The following SLC36A1 variants were observed in gnomAD, a reference collection of about 807,000 sequenced individuals.
The protein encoded by SLC36A1 is solute carrier family 36 member 1.
In SLC36A1, 30 loss-of-function variants were observed where a neutral mutation model predicts 47.5. The observed-to-expected ratio is 0.63, with a 90% CI of 0.47 to 0.86. The LOEUF (loss-of-function observed/expected upper bound fraction) is 0.86, where lower values mean the gene tolerates loss of function less well. Among genes scored for constraint, SLC36A1 ranks in the 40% least tolerant of loss-of-function variants. The pLI is 0.00. For missense variants in SLC36A1, 517 were observed against 606.0 expected (o/e 0.85, Z 1.54); for synonymous variants, 255 against 249.7 (o/e 1.02, Z -0.20).
chr5:151,362,831 T>G, the SLC36A1 span, among the ~76,000 whole-genome samples: 1 of 152,254 alleles, frequency 6.6e-6, no homozygotes, highest in South Asian at 2.1e-4. Context: ...AATTCCTGAA[T>G]TGCTTTTCTG....
upstream of SLC36A1, among the ~76,000 whole-genome samples, chr5:151,435,774 CAT>C (rs1162399786): frequency 6.6e-6 from 1 of 150,970 alleles, no homozygotes; most frequent in East Asian, 1.9e-4. Context: ...GGAGAAAAAA[CAT>C]AATAGGTGGA....
At chr5:151,445,862 AGTC>A (rs1285842678), upstream of SLC36A1, among the ~76,000 whole-genome samples, 1 of 151,528 alleles carries the variant, frequency 6.6e-6, no homozygotes, top group Non-Finnish European at 1.5e-5. Flanking sequence ...TTATTTTATT[AGTC>A]TTCTTTTTTT....
upstream of SLC36A1, among the ~76,000 whole-genome samples, chr5:151,445,753 C>G (rs1280813586): frequency 6.6e-6 from 1 of 152,174 alleles, no homozygotes; most frequent in African/African-American, 2.4e-5. Context: ...TCCATTTCAT[C>G]TGGGTTATCC....
chr5:151,544,891 A>T, the SLC36A1 span: 2 of 1,614,020 alleles, frequency 1.2e-6, no homozygotes, highest in Admixed American at 3.3e-5. Context: ...GCCATCTTGG[A>T]TGATTGTGTA....
At chr5:151,513,967 G>C in the SLC36A1 span, among the ~76,000 whole-genome samples, 2 of 152,074 alleles carry the variant, frequency 1.3e-5, no homozygotes, top group Non-Finnish European at 2.9e-5. Context: ...GAGAACCACT[G>C]GGTTAAAACA....
chr5:151,530,744 T>C, the SLC36A1 span, among the ~76,000 whole-genome samples: 2 of 152,212 alleles, frequency 1.3e-5, no homozygotes, highest in East Asian at 1.9e-4. Context: ...TACACACTGA[T>C]GTCCTTACAA....
chr5:151,480,718 T>G (rs1758679995), intron 10 of SLC36A1, among the ~76,000 whole-genome samples: 1 of 152,234 alleles, frequency 6.6e-6, no homozygotes, highest in East Asian at 1.9e-4. Context: ...CTCTCCATGC[T>G]TTGATTCCAA....
the SLC36A1 span, among the ~76,000 whole-genome samples, chr5:151,403,243 C>T: frequency 6.6e-6 from 1 of 152,080 alleles, no homozygotes; most frequent in Non-Finnish European, 1.5e-5. Context: ...CTTTTGATTT[C>T]TGCTTTAATT....
the SLC36A1 span, among the ~76,000 whole-genome samples, chr5:151,499,254 A>C: frequency 6.6e-6 from 1 of 152,208 alleles, no homozygotes; most frequent in Non-Finnish European, 1.5e-5. Flanking sequence ...TCATTCAGTG[A>C]AACAGCTGGT....
At chr5:151,471,757 G>A (rs1006857197) in intron 7 of SLC36A1, among the ~76,000 whole-genome samples, 2 of 152,130 alleles carry the variant, frequency 1.3e-5, no homozygotes, top group South Asian at 4.1e-4. Flanking sequence ...ATCTTTCAAA[G>A]TGAAGGCTGT....
the SLC36A1 span, among the ~76,000 whole-genome samples, chr5:151,539,839 T>G: frequency 6.6e-6 from 1 of 152,160 alleles, no homozygotes; most frequent in Non-Finnish European, 1.5e-5. Context: ...TGCTGGAAAT[T>G]TAGAGTTGAA....
the SLC36A1 span, among the ~76,000 whole-genome samples, chr5:151,526,406 T>C: frequency 6.6e-6 from 1 of 152,236 alleles, no homozygotes; most frequent in Non-Finnish European, 1.5e-5. Context: ...ATGTATCTGA[T>C]AAGCACACTT....
the SLC36A1 span, among the ~76,000 whole-genome samples, chr5:151,357,894 G>A: frequency 6.6e-6 from 1 of 152,230 alleles, no homozygotes; most frequent in Non-Finnish European, 1.5e-5. Context: ...AGACAGATAA[G>A]ATTTAACAGT....
chr5:151,362,150 C>T, the SLC36A1 span, among the ~76,000 whole-genome samples: 1 of 152,078 alleles, frequency 6.6e-6, no homozygotes, highest in African/African-American at 2.4e-5. Flanking sequence ...TTTTAATAAG[C>T]TTTCTACCCC....
At chr5:151,469,444 T>G (rs573601283) in intron 7 of SLC36A1, among the ~76,000 whole-genome samples, 1 of 152,356 alleles carries the variant, frequency 6.6e-6, no homozygotes, top group Non-Finnish European at 1.5e-5. Flanking sequence ...TCACATTGTA[T>G]CACAGCAAGG....
chr5:151,486,192 T>G (rs1759502903), intron 10 of SLC36A1, among the ~76,000 whole-genome samples: 1 of 152,078 alleles, frequency 6.6e-6, no homozygotes, highest in Non-Finnish European at 1.5e-5. Flanking sequence ...GGAGCAGGCT[T>G]TATATGGCAA....
the SLC36A1 span, chr5:151,517,786 G>C: frequency 6.2e-7 from 1 of 1,613,528 alleles, no homozygotes; most frequent in Non-Finnish European, 8.5e-7. Flanking sequence ...AACCAAAGCT[G>C]TCACCTCTAC....
chr5:151,531,219 C>T, the SLC36A1 span, among the ~76,000 whole-genome samples: 1 of 152,238 alleles, frequency 6.6e-6, no homozygotes, highest in East Asian at 1.9e-4. This position sits in a 1 kb window ranked among gnomAD's most constrained non-coding sequence, Gnocchi z 5.7. Flanking sequence ...GTTGCTTAAG[C>T]CCCAGATTCC....
At chr5:151,551,713 C>T in the SLC36A1 span, 2 of 1,185,714 alleles carry the variant, frequency 1.7e-6, no homozygotes, top group Non-Finnish European at 2.4e-6. Context: ...GTAAATTCCA[C>T]AGTACAAGAT....
Sources: allele counts gnomAD v4.1 joint callset (sites outside exome capture counted in the v4.1 genomes callset), GRCh38; gene constraint gnomAD v4.1.1; non-coding constraint Gnocchi (gnomAD v3.1); transcripts MANE v1.5; gene names NCBI Gene and HGNC (gene_info 2026-07-23, HGNC 2026-07-21).